The following GABPB2 variants were observed in gnomAD, a reference collection of about 807,000 sequenced individuals.
GABPB2 encodes the protein GA-binding protein subunit beta-2.
In GABPB2, 23 loss-of-function variants were observed where a neutral mutation model predicts 39.1. That is an observed-to-expected ratio of 0.59 (90% CI 0.42 to 0.83). The LOEUF (loss-of-function observed/expected upper bound fraction) is 0.83, where lower values mean the gene tolerates loss of function less well. GABPB2 is among the 40% of genes least tolerant of loss of function. GABPB2 has a pLI of 0.00. For synonymous variants in GABPB2, 184 were observed against 199.3 expected, an observed-to-expected ratio of 0.92 and a Z score of 0.65; for missense variants, 467 against 541.1, an observed-to-expected ratio of 0.86 and a Z score of 1.36.
intron 7 of GABPB2, among the ~76,000 whole-genome samples, chr1:151,109,782 A>G (rs928610743): frequency 3.3e-5 from 5 of 150,400 alleles, no homozygotes; most frequent in Non-Finnish European, 7.4e-5. Flanking sequence ...CAACCTTCTC[A>G]CCTCAGCCTC....
intron 1 of GABPB2, among the ~76,000 whole-genome samples, chr1:151,075,461 G>C (rs587633132): frequency 1.3e-5 from 2 of 151,866 alleles, no homozygotes; most frequent in South Asian, 2.1e-4. Context: ...CTACTCGGGA[G>C]GCCGAGGCAG....
intron 1 of GABPB2, among the ~76,000 whole-genome samples, chr1:151,083,903 G>A (rs1012307716): frequency 6.7e-6 from 1 of 150,296 alleles, no homozygotes; most frequent in Admixed American, 6.6e-5. Context: ...ACCATGCCCG[G>A]CTAATTTTTG....
chr1:151,085,173 A>C (rs1461328791), intron 1 of GABPB2, among the ~76,000 whole-genome samples: 1 of 151,572 alleles, frequency 6.6e-6, no homozygotes, highest in East Asian at 2.0e-4. Flanking sequence ...CGAGGCAGGC[A>C]GATCATCTGA....
chr1:151,090,386 T>G lies in GABPB2; in HGVS notation c.109-20T>G. 6.2e-7 allele frequency: 1 copy of G among 1,611,698 alleles called. No individual in the cohort carries two copies. The highest frequency in any genetic ancestry group is 8.5e-7 in the Non-Finnish European group (1 of 1,178,150). On this transcript the variant is annotated intron_variant, in intron 2 of 8. Transcript: ENST00000368918. Reference sequence around the variant, plus strand: ...GACTCTGCACACAGTGGATATTCAATGAGCATTATTTTTCCACAGCTTGGA... The same window carrying G: ...GACTCTGCACACAGTGGATATTCAAGGAGCATTATTTTTCCACAGCTTGGA...
At chr1:151,084,829 C>T (rs1179279592) in intron 1 of GABPB2, among the ~76,000 whole-genome samples, 2 of 151,964 alleles carry the variant, frequency 1.3e-5, no homozygotes, top group African/African-American at 4.8e-5. Context: ...CCACCGCGCC[C>T]AGCCAGCTGT....
intron 4 of GABPB2, among the ~76,000 whole-genome samples, chr1:151,094,804 C>T (rs61819216): frequency 9.8e-4 from 147 of 149,980 alleles, no homozygotes; most frequent in Non-Finnish European, 1.7e-3. Flanking sequence ...GTCAGGAGTT[C>T]GAGACCAGCC....
At chr1:151,105,430 A>G (rs926307143) in intron 6 of GABPB2, among the ~76,000 whole-genome samples, 1 of 148,576 alleles carries the variant, frequency 6.7e-6, no homozygotes, top group Non-Finnish European at 1.5e-5. Flanking sequence ...ATACAAATAT[A>G]TATATCAAAT....
At chr1:151,100,580 CTTT>C (rs35251516) in intron 5 of GABPB2, among the ~76,000 whole-genome samples, 2 of 46,688 alleles carry the variant, frequency 4.3e-5, no homozygotes, top group Non-Finnish European at 7.6e-5. Flanking sequence ...TGTGCCTGGC[CTTT>C]TTTTTTTTTT....
At chr1:151,081,199 T>C (rs935680605) in intron 1 of GABPB2, among the ~76,000 whole-genome samples, 11 of 151,574 alleles carry the variant, frequency 7.3e-5, no homozygotes, top group African/African-American at 2.2e-4. Flanking sequence ...ATAAAAAATA[T>C]ATCTTCAGGC....
intron 5 of GABPB2, 139 bp from the exon 6 acceptor site, chr1:151,103,420 ATTG>A: frequency 1.9e-6 from 1 of 534,450 alleles, no homozygotes; most frequent in Non-Finnish European, 3.3e-6. Flanking sequence ...CACTGATATA[ATTG>A]GCTTATATCA....
In GABPB2 at chr1:151,124,241, A is replaced by G. The variant is rs1681294683; in HGVS notation, c.*5985A>G. Reference sequence around the variant, plus strand: ...CAGTGGCATGATCTTGGCTCATTGCAACCTCTGTCTCCCGGGTTCAAGCGA... The same window carrying G: ...CAGTGGCATGATCTTGGCTCATTGCGACCTCTGTCTCCCGGGTTCAAGCGA... On this transcript the variant is annotated 3_prime_UTR_variant, in exon 9 of 9. Coordinates refer to ENST00000368918, the MANE Select transcript of GABPB2 (RefSeq NM_144618.3). The G allele has an allele frequency of 6.7e-6, 1 of 149,552 alleles. No individual in the cohort carries two copies. Among genetic ancestry groups the G allele is most frequent in the African/African-American group, 2.5e-5 (1 of 40,490 alleles). The allele number at this position is 149,552 out of a possible 1,614,324, so 9.3% of individuals were successfully genotyped here.
chr1:151,094,240 C>T (rs982957163), intron 4 of GABPB2, among the ~76,000 whole-genome samples: 1 of 151,810 alleles, frequency 6.6e-6, no homozygotes, highest in African/African-American at 2.4e-5. Context: ...TTAGTAGAGA[C>T]AGGGTTTCGC....
At chr1:151,103,154 A>G (rs928473314) in intron 5 of GABPB2, among the ~76,000 whole-genome samples, 3 of 139,886 alleles carry the variant, frequency 2.1e-5, no homozygotes, top group African/African-American at 8.1e-5. Flanking sequence ...GGTTCATGCC[A>G]TTCTTCTGCC....
At chr1:151,089,460 T>G (rs1390200959) in intron 2 of GABPB2, among the ~76,000 whole-genome samples, 5 of 152,186 alleles carry the variant, frequency 3.3e-5, no homozygotes, top group Non-Finnish European at 5.9e-5. Context: ...AGATTTACAC[T>G]GGGATGACAG....
intron 6 of GABPB2, among the ~76,000 whole-genome samples, chr1:151,106,522 GAGAC>G (rs111616875): frequency 0.021 from 3,197 of 151,762 alleles, 95 homozygotes; most frequent in African/African-American, 0.073. Flanking sequence ...ACTTTTAGTA[GAGAC>G]AGTGTTTTGC....
At chr1:151,081,639 TA>T (rs377272232) in intron 1 of GABPB2, among the ~76,000 whole-genome samples, 5 of 151,828 alleles carry the variant, frequency 3.3e-5, no homozygotes, top group African/African-American at 9.7e-5. Flanking sequence ...CATTATTATT[TA>T]TTTTTTTTTT....
chr1:151,111,293 G>A (rs1253163270), intron 7 of GABPB2, among the ~76,000 whole-genome samples: 1 of 150,950 alleles, frequency 6.6e-6, no homozygotes, highest in African/African-American at 2.4e-5. Context: ...ACCCAGGCTA[G>A]AGTGCAGTGG....
chr1:151,075,040 G>A (rs1001344062), intron 1 of GABPB2, among the ~76,000 whole-genome samples: 3 of 152,098 alleles, frequency 2.0e-5, no homozygotes, highest in Non-Finnish European at 2.9e-5. Flanking sequence ...TACTCGGGAG[G>A]GTGAGGCAGG....
chr1:151,087,959 G>A (rs1303970456), intron 1 of GABPB2, among the ~76,000 whole-genome samples: 1 of 152,138 alleles, frequency 6.6e-6, no homozygotes, highest in Non-Finnish European at 1.5e-5. Context: ...TATTTCCAGA[G>A]TATTTTTCTG....
Sources: allele counts gnomAD v4.1 joint callset (sites outside exome capture counted in the v4.1 genomes callset), GRCh38; gene constraint gnomAD v4.1.1; transcripts MANE v1.5; gene names NCBI Gene and HGNC (gene_info 2026-07-23, HGNC 2026-07-21).